Variants in AFAP1L2 observed in about 807,000 individuals in gnomAD.
AFAP1L2 encodes actin filament-associated protein 1-like 2.
AFAP1L2 carries 46 observed loss-of-function variants against 99.3 expected under a neutral mutation model. The observed-to-expected ratio is 0.46, with a 90% CI of 0.37 to 0.59. The LOEUF (loss-of-function observed/expected upper bound fraction) is 0.59, where lower values mean the gene tolerates loss of function less well. Ranked by LOEUF, AFAP1L2 falls within the 20% of genes least tolerant of loss-of-function variation. The probability of loss-of-function intolerance (pLI) is 0.00; values close to 1 mark genes in which losing one functional copy is unlikely to be tolerated. For synonymous variants in AFAP1L2, 397 were observed against 419.1 expected (o/e 0.95, Z 0.64); for missense variants, 959 against 1,034.9 (o/e 0.93, Z 1.01).
intron 1 of AFAP1L2, among the ~76,000 whole-genome samples, chr10:114,400,832 C>T (rs956552841): frequency 6.6e-6 from 1 of 152,152 alleles, no homozygotes; most frequent in Non-Finnish European, 1.5e-5. Flanking sequence ...GCCTTTACAT[C>T]CATATTTTTG....
chr10:114,374,518 G>A (rs1020076541), intron 1 of AFAP1L2, among the ~76,000 whole-genome samples: 2 of 152,100 alleles, frequency 1.3e-5, no homozygotes, highest in African/African-American at 2.4e-5. Flanking sequence ...CAAAATAAAC[G>A]CAGATGCTTG....
intron 10 of AFAP1L2, among the ~76,000 whole-genome samples, chr10:114,305,538 T>C (rs1367149301): frequency 2.9e-3 from 67 of 23,382 alleles, no homozygotes; most frequent in Middle Eastern, 0.023. Context: ...CAGGAGGGGT[T>C]GGGGCTGCAG....
intron 4 of AFAP1L2, chr10:114,326,110 C>A: frequency 8.3e-7 from 1 of 1,202,148 alleles, no homozygotes; most frequent in African/African-American, 1.6e-5. Context: ...ATCATCACCA[C>A]AGGGTCTGTC....
intron 1 of AFAP1L2, chr10:114,399,036 A>T: frequency 1.5e-6 from 1 of 659,024 alleles, no homozygotes; most frequent in Non-Finnish European, 2.4e-6. Flanking sequence ...TGTTCTCCAG[A>T]GCTAGAGCAC....
chr10:114,356,557 T>C (rs965305146), intron 1 of AFAP1L2, among the ~76,000 whole-genome samples: 8 of 152,262 alleles, frequency 5.3e-5, no homozygotes, highest in Non-Finnish European at 1.2e-4. Flanking sequence ...TTAAGTGTCA[T>C]TAAAATTACA....
chr10:114,329,275 C>T (rs929873633), intron 4 of AFAP1L2, among the ~76,000 whole-genome samples: 2 of 152,212 alleles, frequency 1.3e-5, no homozygotes, highest in Non-Finnish European at 2.9e-5. Context: ...GGCTGAGGAA[C>T]AGAAGCCAGC....
intron 16 of AFAP1L2, among the ~76,000 whole-genome samples, chr10:114,298,747 C>T (rs990536908): frequency 4.6e-5 from 7 of 152,182 alleles, no homozygotes; most frequent in African/African-American, 1.7e-4. Flanking sequence ...TCAAATGATA[C>T]GAGTGTGATT....
At position 114,308,422 on chromosome 10, in the gene AFAP1L2, CATG is replaced by C; in HGVS notation, c.967+8_967+10del. The C allele has an allele frequency of 6.2e-7, 1 of 1,612,468 alleles. No individual in the cohort carries two copies. The highest frequency in any genetic ancestry group is 8.5e-7 in the Non-Finnish European group (1 of 1,178,490). ...TGGGACACCATTCCCCTCCCAACCA[CATG>C]ATGTTACCGTCTTTGGTTTCTGGGA... On this transcript the variant is annotated splice_region_variant and intron_variant, in intron 9 of 18. Transcript: ENST00000304129.
rs758613413 is a variant in AFAP1L2 at position 114,302,391 on chromosome 10, C to T, written c.1378G>A (p.Val460Met). 1 of 1,614,174 alleles carries T rather than the reference C, an allele frequency of 6.2e-7. No homozygotes were observed. The highest frequency in any genetic ancestry group is 8.5e-7 in the Non-Finnish European group (1 of 1,180,030). ...TDPEEFTYDYVDADRVSCIVS... is the reference protein window; with the variant it reads ...TDPEEFTYDYMDADRVSCIVS... ...ATACAGGAGACCCTATCGGCATCCA[C>T]ATAGTCGTAGGTGAACTCTTCTGGG... The change falls in exon 12 of 19, where the codon GTG becomes ATG. Residue 460 changes from valine to methionine, a missense_variant. By Grantham distance (21) the Val-to-Met change is conservative (BLOSUM62 1). This residue lies in a region of AFAP1L2 where 576 missense variants were observed against 562.1 expected (regional missense o/e 1.02). Transcript: ENST00000304129.
the AFAP1L2 span, chr10:114,286,518 T>A: frequency 6.4e-7 from 1 of 1,552,846 alleles, no homozygotes. Flanking sequence ...CCAGGTAAGG[T>A]CCCAGTGCCT....
intron 1 of AFAP1L2, among the ~76,000 whole-genome samples, chr10:114,384,138 G>A (rs906220336): frequency 6.6e-6 from 1 of 152,182 alleles, no homozygotes; most frequent in South Asian, 2.1e-4. Flanking sequence ...TATGTCAAGA[G>A]GAGGAGACAT....
rs1390726738 is a variant in AFAP1L2, at chr10:114,377,938, T to C, written c.16+26502A>G. Among the ~76,000 whole-genome samples the C allele has an allele frequency of 2.0e-5, 3 of 152,234 alleles. No homozygotes were observed. ...GAGTACTTCCCAAGAAACTGTATTA[T>C]GGTTTTTTTGTGGGTCTTCACTGGT... On this transcript the variant is annotated intron_variant, in intron 1 of 18. Transcript: ENST00000304129. This position sits in a 1 kb window ranked among gnomAD's most constrained non-coding sequence, Gnocchi z 4.0.
At chr10:114,366,327 C>T (rs903693462) in intron 1 of AFAP1L2, among the ~76,000 whole-genome samples, 1 of 152,104 alleles carries the variant, frequency 6.6e-6, no homozygotes, top group African/African-American at 2.4e-5. Flanking sequence ...CAGCAGACAC[C>T]AGTGGATAGT....
intron 1 of AFAP1L2, among the ~76,000 whole-genome samples, chr10:114,398,613 C>T (rs973058201): frequency 5.9e-5 from 9 of 152,280 alleles, no homozygotes; most frequent in Admixed American, 5.2e-4. Context: ...ATTATTCTCA[C>T]TCATACAGAT....
intron 1 of AFAP1L2, among the ~76,000 whole-genome samples, chr10:114,394,131 C>T (rs2057442133): frequency 6.6e-6 from 1 of 152,214 alleles, no homozygotes; most frequent in Non-Finnish European, 1.5e-5. Context: ...CACTAACCTG[C>T]ACTGTGCCGG....
chr10:114,355,593 G>T (rs1332145479), intron 1 of AFAP1L2, among the ~76,000 whole-genome samples: 1 of 151,780 alleles, frequency 6.6e-6, no homozygotes, highest in East Asian at 1.9e-4. Flanking sequence ...ACTTAAAACT[G>T]CTCTAAAAAT....
At chr10:114,368,409 G>A (rs2136886089) in intron 1 of AFAP1L2, among the ~76,000 whole-genome samples, 1 of 151,998 alleles carries the variant, frequency 6.6e-6, no homozygotes, top group South Asian at 2.1e-4. Context: ...GTATTGGTTT[G>A]GGGGTTCTGT....
intron 8 of AFAP1L2, among the ~76,000 whole-genome samples, chr10:114,309,504 C>T (rs1196876963): frequency 3.3e-5 from 5 of 152,220 alleles, no homozygotes; most frequent in African/African-American, 1.2e-4. Context: ...TGTGTGCCCA[C>T]GCTTCAGGAC....
Position 114,331,743 on chromosome 10 carries a change from A to C in AFAP1L2, c.315+60T>G, listed in dbSNP as rs80183763. On this transcript the variant is annotated intron_variant, in intron 4 of 18. Coordinates refer to ENST00000304129, the MANE Select transcript of AFAP1L2 (RefSeq NM_001001936.3). ...ACTTAGTGAGCTGACACCTGTGGAG[A>C]CAACTGGAAGTTCAAGGGGCTCACG... 538 of 1,192,662 alleles carry C rather than the reference A, an allele frequency of 4.5e-4. 6 individuals carry two copies. The African/African-American group carries it at 7.7e-3, about 17-fold the overall frequency. 73.9% of individuals were successfully genotyped at this position (1,192,662 alleles called of 1,614,324 possible). A position where few individuals can be genotyped will look rare whatever the true frequency, so the allele number is the denominator to read the frequency against.
Sources: gnomAD v4.1 joint callset for allele counts (sites outside exome capture counted in the v4.1 genomes callset) on GRCh38, gnomAD v4.1.1 for gene constraint, gnomAD v4.1.1 regional missense constraint, Gnocchi (gnomAD v3.1) non-coding constraint, MANE v1.5 for transcripts, NCBI Gene and HGNC (gene_info 2026-07-23, HGNC 2026-07-21) for gene names.